Variants in CAMKMT observed in about 807,000 individuals in gnomAD.
CAMKMT encodes calmodulin-lysine N-methyltransferase.
In CAMKMT, 53 loss-of-function variants were observed where a neutral mutation model predicts 48.0. The observed-to-expected ratio is 1.10, with a 90% confidence interval of 0.89 to 1.39. CAMKMT has a LOEUF of 1.39. Among genes scored for constraint, CAMKMT ranks in the 40% most tolerant of loss-of-function variants. CAMKMT has a pLI of 0.00. For synonymous variants in CAMKMT, 165 were observed against 152.3 expected (o/e 1.08, Z -0.61); for missense variants, 428 against 402.7 (o/e 1.06, Z -0.54).
At chr2:44,740,898 C>A (rs902132454) in intron 7 of CAMKMT, among the ~76,000 whole-genome samples, 4 of 152,082 alleles carry the variant, frequency 2.6e-5, no homozygotes, top group African/African-American at 9.7e-5. Context: ...CTGAAGAGTA[C>A]CTTCTAGAAA....
intron 3 of CAMKMT, among the ~76,000 whole-genome samples, chr2:44,507,154 A>G (rs1390234313): frequency 6.6e-6 from 1 of 152,050 alleles, no homozygotes; most frequent in Non-Finnish European, 1.5e-5. Context: ...AGAAGTTATT[A>G]ATGAGCTTAA....
chr2:44,549,447 C>T, intron 3 of CAMKMT: 1 of 654,592 alleles, frequency 1.5e-6, no homozygotes, highest in Non-Finnish European at 2.7e-6. Flanking sequence ...AGCAGGAAGA[C>T]TCAGTTTTTC....
intron 3 of CAMKMT, among the ~76,000 whole-genome samples, chr2:44,583,032 A>C (rs185830306): frequency 6.6e-6 from 1 of 152,308 alleles, no homozygotes; most frequent in Non-Finnish European, 1.5e-5. Flanking sequence ...CCCCACAAAA[A>C]ACCCTTAAAA....
At chr2:44,479,624 T>G (rs758089582) in intron 3 of CAMKMT, among the ~76,000 whole-genome samples, 2 of 152,222 alleles carry the variant, frequency 1.3e-5, no homozygotes, top group Non-Finnish European at 2.9e-5. Context: ...GTTCAGATCC[T>G]ATAGGTGGCA....
At chr2:44,537,517 A>G (rs1666841452) in intron 3 of CAMKMT, among the ~76,000 whole-genome samples, 1 of 152,188 alleles carries the variant, frequency 6.6e-6, no homozygotes, top group Admixed American at 6.5e-5. Context: ...AAAAAGACAA[A>G]AAATAACAGA....
chr2:44,645,175 T>G (rs1360355622), intron 3 of CAMKMT, among the ~76,000 whole-genome samples: 2 of 152,212 alleles, frequency 1.3e-5, no homozygotes, highest in Non-Finnish European at 2.9e-5. Context: ...TTGTGATGAG[T>G]AGGAGGCCAG....
At chr2:44,701,965 G>A (rs1448069682) in intron 3 of CAMKMT, among the ~76,000 whole-genome samples, 1 of 151,786 alleles carries the variant, frequency 6.6e-6, no homozygotes, top group Non-Finnish European at 1.5e-5. Flanking sequence ...CACATTTTAC[G>A]TGATTTTTTT....
At chr2:44,614,235 C>T in intron 3 of CAMKMT, among the ~76,000 whole-genome samples, 1 of 152,184 alleles carries the variant, frequency 6.6e-6, no homozygotes, top group East Asian at 1.9e-4. Context: ...AAGTGTTTCA[C>T]AGGGGAAGAG....
At chr2:44,378,784 G>A (rs1036844367) in intron 2 of CAMKMT, among the ~76,000 whole-genome samples, 5 of 152,122 alleles carry the variant, frequency 3.3e-5, no homozygotes, top group Admixed American at 1.3e-4. Context: ...GAGCCACCGC[G>A]CCTGGCCTAG....
At chr2:44,644,084 A>G (rs1421433182) in intron 3 of CAMKMT, among the ~76,000 whole-genome samples, 1 of 152,208 alleles carries the variant, frequency 6.6e-6, no homozygotes, top group Non-Finnish European at 1.5e-5. Context: ...TAACATGACT[A>G]TGATCATCTA....
chr2:44,608,764 C>CT (rs1671440414), intron 3 of CAMKMT, among the ~76,000 whole-genome samples: 1 of 152,120 alleles, frequency 6.6e-6, no homozygotes, highest in Non-Finnish European at 1.5e-5. Context: ...CCTCCTCCCT[C>CT]TTTTATTTTC....
chr2:44,731,658 C>T (rs1174879447), intron 7 of CAMKMT, among the ~76,000 whole-genome samples: 1 of 152,236 alleles, frequency 6.6e-6, no homozygotes, highest in East Asian at 1.9e-4. Context: ...AAACTCAAAG[C>T]CAGAATGAAA....
intron 3 of CAMKMT, among the ~76,000 whole-genome samples, chr2:44,627,879 T>C (rs903925307): frequency 1.3e-5 from 2 of 151,808 alleles, no homozygotes; most frequent in Non-Finnish European, 2.9e-5. Flanking sequence ...TTTGTATTTT[T>C]AGTAGAGACA....
At chr2:44,590,699 G>A in intron 3 of CAMKMT, among the ~76,000 whole-genome samples, 1 of 152,036 alleles carries the variant, frequency 6.6e-6, no homozygotes, top group East Asian at 1.9e-4. Context: ...CCCATTTTAT[G>A]GGTTGCCTGT....
intron 2 of CAMKMT, among the ~76,000 whole-genome samples, chr2:44,383,171 G>T (rs1216496559): frequency 1.3e-5 from 2 of 150,202 alleles, no homozygotes; most frequent in Non-Finnish European, 3.0e-5. Context: ...TTTTATTTTA[G>T]TTTTATTTTT....
At chr2:44,479,048 GC>G (rs1348485944) in intron 3 of CAMKMT, among the ~76,000 whole-genome samples, 1 of 152,054 alleles carries the variant, frequency 6.6e-6, no homozygotes, top group Non-Finnish European at 1.5e-5. Context: ...GGTACATATT[GC>G]TATTCTTAAA....
At chr2:44,383,410 G>T (rs1680458703) in intron 2 of CAMKMT, among the ~76,000 whole-genome samples, 1 of 152,114 alleles carries the variant, frequency 6.6e-6, no homozygotes, top group Non-Finnish European at 1.5e-5. Context: ...TGATCCGCCT[G>T]CCTCGGCCTC....
intron 7 of CAMKMT, among the ~76,000 whole-genome samples, chr2:44,732,141 C>T (rs1679108285): frequency 6.6e-6 from 1 of 152,020 alleles, no homozygotes; most frequent in African/African-American, 2.4e-5. Context: ...TTTGTAGAGA[C>T]AGGGGTCTCA....
At chr2:44,402,196 G>T (rs1682436207) in intron 3 of CAMKMT, among the ~76,000 whole-genome samples, 1 of 151,988 alleles carries the variant, frequency 6.6e-6, no homozygotes, top group South Asian at 2.1e-4. Context: ...AGGCCTGGTG[G>T]CAGGTGCCTG....
Sources: allele counts gnomAD v4.1 joint callset (sites outside exome capture counted in the v4.1 genomes callset), GRCh38; gene constraint gnomAD v4.1.1; transcripts MANE v1.5; gene names NCBI Gene and HGNC (gene_info 2026-07-23, HGNC 2026-07-21).